CAB39: variants seen among roughly 807,000 people sequenced by gnomAD.
The protein encoded by CAB39 is calcium binding protein 39, also known as calcium-binding protein 39.
A neutral mutation model predicts 40.0 loss-of-function variants in CAB39; 8 were observed. The ratio of observed to expected loss-of-function variants is 0.20; its 90% CI spans 0.12 to 0.36. The LOEUF (loss-of-function observed/expected upper bound fraction) is 0.36. CAB39 is among the 10% of genes least tolerant of loss of function. The pLI is 1.00. For missense variants in CAB39, 270 were observed against 401.1 expected (o/e 0.67, Z 2.79); for synonymous variants, 156 against 141.6 (o/e 1.10, Z -0.72).
intron 2 of CAB39, among the ~76,000 whole-genome samples, chr2:230,784,237 T>C (rs1695748790): frequency 2.0e-5 from 3 of 152,132 alleles, no homozygotes; most frequent in Admixed American, 6.5e-5. Flanking sequence ...AGTGGTATCA[T>C]TACATGAAAC....
intron 1 of CAB39, among the ~76,000 whole-genome samples, chr2:230,740,594 A>C (rs1411547304): frequency 6.6e-6 from 1 of 152,198 alleles, no homozygotes; most frequent in African/African-American, 2.4e-5. Context: ...TTTCAGGATG[A>C]AACTGTGCCA....
At chr2:230,720,489 G>A (rs1486186986) in intron 1 of CAB39, among the ~76,000 whole-genome samples, 1 of 152,182 alleles carries the variant, frequency 6.6e-6, no homozygotes, top group Non-Finnish European at 1.5e-5. Flanking sequence ...AGGCTGGAGT[G>A]CAATGGCGTG....
intron 6 of CAB39, among the ~76,000 whole-genome samples, chr2:230,811,279 A>G (rs1450506487): frequency 6.6e-6 from 1 of 152,106 alleles, no homozygotes; most frequent in Non-Finnish European, 1.5e-5. Context: ...AGAGGCAAAA[A>G]TCTATGCTTG....
At position 230,786,998 on chromosome 2, in the gene CAB39, C is replaced by T. The variant is rs200629929; in HGVS notation, c.115-3874C>T. On this transcript the variant is annotated intron_variant, in intron 2 of 8. Coordinates refer to ENST00000258418, the MANE Select transcript of CAB39 (RefSeq NM_016289.4). Reference sequence around the variant, plus strand: ...AACAGCAGGCTGGAAAAGGTAGACTCGGCTTAGCATTGATACTGAGGGGGA... The same window carrying T: ...AACAGCAGGCTGGAAAAGGTAGACTTGGCTTAGCATTGATACTGAGGGGGA... Among the ~76,000 whole-genome samples, 17 of 152,208 alleles carry T rather than the reference C, an allele frequency of 1.1e-4. No homozygotes were observed. In the East Asian group the frequency reaches 3.1e-3, roughly 28 times the overall value.
In CAB39 at chr2:230,804,399, T is replaced by C. The variant is rs994501852; in HGVS notation, c.567+5502T>C. On this transcript the variant is annotated intron_variant, in intron 5 of 8. Coordinates refer to ENST00000258418, the MANE Select transcript of CAB39 (RefSeq NM_016289.4). ...GGCAACAAAAGCCAAAATAGATAAATGGGATCTAAATAAAGAGCTTCTGCA... is the reference window on the plus strand; with the variant it reads ...GGCAACAAAAGCCAAAATAGATAAACGGGATCTAAATAAAGAGCTTCTGCA... Among the ~76,000 whole-genome samples the C allele has an allele frequency of 1.8e-4, 27 of 152,104 alleles. 1 individual carries two copies. Among genetic ancestry groups the C allele is most frequent in the South Asian group, 1.2e-3 (6 of 4,826 alleles).
At chr2:230,714,240 T>G (rs1197862675) in intron 1 of CAB39, among the ~76,000 whole-genome samples, 1 of 152,190 alleles carries the variant, frequency 6.6e-6, no homozygotes, top group Non-Finnish European at 1.5e-5. Context: ...AGCTCATTTC[T>G]CAGTGACTCA....
At chr2:230,741,093 G>A (rs1395212117) in intron 1 of CAB39, among the ~76,000 whole-genome samples, 2 of 152,088 alleles carry the variant, frequency 1.3e-5, no homozygotes, top group Non-Finnish European at 1.5e-5. Context: ...TAATTCAGGC[G>A]GTCCCCTGAT....
chr2:230,750,218 G>A (rs1695061750), intron 1 of CAB39, among the ~76,000 whole-genome samples: 1 of 152,226 alleles, frequency 6.6e-6, no homozygotes, highest in Non-Finnish European at 1.5e-5. Flanking sequence ...GTTGGGAGGA[G>A]ATATCTTTAA....
intron 5 of CAB39, among the ~76,000 whole-genome samples, chr2:230,801,287 A>G (rs1264478223): frequency 6.6e-6 from 1 of 152,220 alleles, no homozygotes; most frequent in Non-Finnish European, 1.5e-5. Flanking sequence ...CCTCCCTGAA[A>G]GAAACTCCAG....
intron 2 of CAB39, among the ~76,000 whole-genome samples, chr2:230,772,233 C>T (rs915102957): frequency 6.6e-6 from 1 of 152,012 alleles, no homozygotes; most frequent in Admixed American, 6.6e-5. Context: ...AGAAACAATC[C>T]AGTTAAGAGT....
At chr2:230,788,664 T>C (rs62193640) in intron 2 of CAB39, among the ~76,000 whole-genome samples, 16,272 of 152,238 alleles carry the variant, frequency 0.11, 1,144 homozygotes, top group Middle Eastern at 0.16. Flanking sequence ...AAAGGTATTT[T>C]TGCTGTGGTG....
intron 2 of CAB39, among the ~76,000 whole-genome samples, chr2:230,784,332 C>G (rs920447201): frequency 1.3e-5 from 2 of 152,084 alleles, no homozygotes; most frequent in African/African-American, 2.4e-5. Context: ...TGAGACATTA[C>G]GAGTGGAGAC....
At chr2:230,776,099 A>C (rs1695580448) in intron 2 of CAB39, among the ~76,000 whole-genome samples, 1 of 152,184 alleles carries the variant, frequency 6.6e-6, no homozygotes. Context: ...TGACAAGTTC[A>C]GTGTGACTTT....
intron 5 of CAB39, among the ~76,000 whole-genome samples, chr2:230,808,265 T>C (rs1168515048): frequency 6.6e-6 from 1 of 152,072 alleles, no homozygotes; most frequent in Non-Finnish European, 1.5e-5. Context: ...TTTTTGTATT[T>C]AGTAGAGACA....
chr2:230,820,017 T>C lies in CAB39; in HGVS notation c.*1313T>C, dbSNP rs1696479903. 1 of 152,698 alleles carries C rather than the reference T, an allele frequency of 6.5e-6. No individual in the cohort carries two copies. Among genetic ancestry groups the C allele is most frequent in the Non-Finnish European group, 1.5e-5 (1 of 68,042 alleles). The allele number at this position is 152,698 out of a possible 1,614,324, so 9.5% of individuals were successfully genotyped here. A position where few individuals can be genotyped will look rare whatever the true frequency, so the allele number is the denominator to read the frequency against. ...GGGAAATTTATTTTTTTTAATGTCC[T>C]GTTCCTTAATGCTGCAAATTATCAG... On this transcript the variant is annotated 3_prime_UTR_variant, in exon 9 of 9. Transcript: ENST00000258418.
chr2:230,728,100 G>A (rs13385728), intron 1 of CAB39, among the ~76,000 whole-genome samples: 1 of 152,114 alleles, frequency 6.6e-6, no homozygotes, highest in Non-Finnish European at 1.5e-5. Context: ...TTAGCTGGGT[G>A]TGGTGGCGCA....
chr2:230,725,327 A>T (rs1013062966), intron 1 of CAB39: 1 of 1,577,694 alleles, frequency 6.3e-7, no homozygotes, highest in African/African-American at 1.4e-5. Flanking sequence ...GACTTCACCA[A>T]TCCCAGCCAG....
intron 5 of CAB39, among the ~76,000 whole-genome samples, chr2:230,804,488 T>G (rs1379747538): frequency 6.6e-6 from 1 of 152,144 alleles, no homozygotes; most frequent in Admixed American, 6.5e-5. Context: ...ATGTTTGCAA[T>G]CTACCCATCT....
At chr2:230,782,694 T>C (rs1317054343) in intron 2 of CAB39, among the ~76,000 whole-genome samples, 1 of 152,058 alleles carries the variant, frequency 6.6e-6, no homozygotes, top group Non-Finnish European at 1.5e-5. Flanking sequence ...GAAAACCCTT[T>C]AATTGTCCAT....
Sources: allele counts gnomAD v4.1 joint callset (sites outside exome capture counted in the v4.1 genomes callset), GRCh38; gene constraint gnomAD v4.1.1; transcripts MANE v1.5; gene names NCBI Gene and HGNC (gene_info 2026-07-23, HGNC 2026-07-21).